CHD9: variants seen among roughly 807,000 people sequenced by gnomAD.
The protein encoded by CHD9 is chromodomain helicase DNA binding protein 9.
In CHD9, 77 loss-of-function variants were observed where a neutral mutation model predicts 316.1. The observed-to-expected ratio is 0.24, with a 90% CI of 0.20 to 0.29. The LOEUF is 0.29. Among genes scored for constraint, CHD9 ranks in the 10% least tolerant of loss-of-function variants. CHD9 has a pLI of 1.00. For missense variants in CHD9, 2,763 were observed against 3,438.1 expected (o/e 0.80, Z 4.91); for synonymous variants, 1,129 against 1,158.3 (o/e 0.97, Z 0.51).
chr16:53,119,386 A>C (rs112014999), intron 1 of CHD9, among the ~76,000 whole-genome samples: 3,289 of 152,308 alleles, frequency 0.022, 141 homozygotes, highest in African/African-American at 0.075. Flanking sequence ...AAAAAAAACA[A>C]AACAAGATTG....
chr16:53,095,788 G>A (rs1401829803), intron 1 of CHD9, among the ~76,000 whole-genome samples: 2 of 152,034 alleles, frequency 1.3e-5, no homozygotes, highest in East Asian at 1.9e-4. Flanking sequence ...CTTTGAACAC[G>A]CTAAGCTGAT....
chr16:53,298,773 CAG>C (rs1292188972), intron 30 of CHD9: 2 of 154,120 alleles, frequency 1.3e-5, no homozygotes, highest in African/African-American at 2.4e-5. Context: ...ATTGTCGACA[CAG>C]AATTAAAAGT....
chr16:53,117,348 A>C (rs1256893531), intron 1 of CHD9, among the ~76,000 whole-genome samples: 1 of 152,104 alleles, frequency 6.6e-6, no homozygotes, highest in Non-Finnish European at 1.5e-5. Flanking sequence ...CTAATCCCTT[A>C]GTCTTAGAAT....
chr16:53,129,264 G>T (rs1021493046), intron 1 of CHD9, among the ~76,000 whole-genome samples: 3 of 152,244 alleles, frequency 2.0e-5, no homozygotes, highest in Non-Finnish European at 2.9e-5. Flanking sequence ...TGTGATGTCA[G>T]ATAGATGAGA....
chr16:53,126,631 C>CCCTT (rs938737053), intron 1 of CHD9, among the ~76,000 whole-genome samples: 1 of 133,340 alleles, frequency 7.5e-6, no homozygotes, highest in East Asian at 2.2e-4. Context: ...TCTCTTTTCT[C>CCCTT]CCTTCCTTCC....
intron 1 of CHD9, among the ~76,000 whole-genome samples, chr16:53,143,640 G>T (rs2040327757): frequency 6.6e-6 from 1 of 151,978 alleles, no homozygotes; most frequent in Admixed American, 6.6e-5. Flanking sequence ...GCCCACCTTG[G>T]CCTCCCAAAG....
In CHD9 at chr16:53,112,569, G is replaced by T. The variant is rs147241925; in HGVS notation, c.-164-43357G>T. Among the ~76,000 whole-genome samples, 974 of 152,296 alleles carry T rather than the reference G, an allele frequency of 6.4e-3. 6 individuals are homozygous for T. Among genetic ancestry groups the T allele is most frequent in the African/African-American group, 0.023 (941 of 41,540 alleles). On this transcript the variant is annotated intron_variant, in intron 1 of 38. Coordinates refer to ENST00000447540, the MANE Select transcript of CHD9 (RefSeq NM_001308319.2). ...GGCCATTCTTTTTGTTTAGCACTTTGCAGGGCACATGGTATATCCTAAGTC... is the reference window on the plus strand; with the variant it reads ...GGCCATTCTTTTTGTTTAGCACTTTTCAGGGCACATGGTATATCCTAAGTC...
At chr16:53,303,523 T>A (rs1291966379) in intron 30 of CHD9, among the ~76,000 whole-genome samples, 197 bp from the exon 31 acceptor site, 1 of 152,198 alleles carries the variant, frequency 6.6e-6, no homozygotes. Context: ...AAGCTTTTAC[T>A]GAAATTTCAA....
chr16:53,267,085 A>G lies in CHD9; in HGVS notation c.4321-209A>G, dbSNP rs757655631. Among the ~76,000 whole-genome samples, 114 of 152,196 alleles carry G rather than the reference A, an allele frequency of 7.5e-4. 1 individual carries two copies. Among genetic ancestry groups the G allele is most frequent in the Non-Finnish European group, 1.5e-3 (105 of 68,008 alleles). On this transcript the variant is annotated intron_variant, in intron 20 of 38. Coordinates refer to ENST00000447540, the MANE Select transcript of CHD9 (RefSeq NM_001308319.2). ...ATCAAGTTCTTTTTATCCTATGACT[A>G]TAATGTCATAAAATTTTACATGTGT...
intron 38 of CHD9, 46 bp from the exon 39 acceptor site, chr16:53,323,974 T>TTTTA (rs774638634): frequency 2.2e-5 from 32 of 1,467,562 alleles, no homozygotes; most frequent in Non-Finnish European, 3.0e-5. Context: ...TAACTCTTTA[T>TTTTA]TTTATTTTCA....
chr16:53,258,624 C>T (rs934099167), intron 19 of CHD9, among the ~76,000 whole-genome samples: 1 of 152,108 alleles, frequency 6.6e-6, no homozygotes, highest in Non-Finnish European at 1.5e-5. Context: ...AAAATAATTC[C>T]ATTCTTTGTT....
chr16:53,077,891 G>A (rs981468170), intron 1 of CHD9, among the ~76,000 whole-genome samples: 3 of 152,060 alleles, frequency 2.0e-5, no homozygotes, highest in Non-Finnish European at 2.9e-5. Flanking sequence ...TAGCCAACAT[G>A]GCAAAAATCC....
rs1159706127 is a variant in CHD9, at chr16:53,197,141, C to T, written c.1453-12341C>T. Among the ~76,000 whole-genome samples, 5 of 152,052 alleles carry T rather than the reference C, an allele frequency of 3.3e-5. No homozygotes were observed. In the East Asian group the frequency reaches 9.6e-4, roughly 29 times the overall value. Reference sequence around the variant, plus strand: ...GAAAAGGCTGAGATATACTGGCAGACTAGTAGAAAGGTTATGGAATTTGGC... The same window carrying T: ...GAAAAGGCTGAGATATACTGGCAGATTAGTAGAAAGGTTATGGAATTTGGC... On this transcript the variant is annotated intron_variant, in intron 2 of 38. Transcript: ENST00000447540.
intron 18 of CHD9, 46 bp from the exon 19 acceptor site, chr16:53,255,554 T>A: frequency 6.4e-7 from 1 of 1,557,726 alleles, no homozygotes; most frequent in Non-Finnish European, 8.8e-7. Context: ...TCTCACTTTA[T>A]GAACTTTAAA....
At chr16:53,117,370 A>G (rs1316587149) in intron 1 of CHD9, among the ~76,000 whole-genome samples, 1 of 151,938 alleles carries the variant, frequency 6.6e-6, no homozygotes, top group Non-Finnish European at 1.5e-5. Flanking sequence ...CAGACTATTC[A>G]TGTGGCGATA....
intron 1 of CHD9, among the ~76,000 whole-genome samples, chr16:53,098,093 C>G (rs942451571): frequency 6.6e-6 from 1 of 151,952 alleles, no homozygotes; most frequent in Non-Finnish European, 1.5e-5. Flanking sequence ...GCACTCCAGC[C>G]TGGGGGACAA....
chr16:53,086,042 A>G (rs1341258389), intron 1 of CHD9, among the ~76,000 whole-genome samples: 3 of 152,188 alleles, frequency 2.0e-5, no homozygotes, highest in African/African-American at 7.2e-5. Context: ...AGCAGAGAGC[A>G]TTTGAGTTTG....
At chr16:53,103,265 T>G (rs1267716842) in intron 1 of CHD9, among the ~76,000 whole-genome samples, 1 of 151,124 alleles carries the variant, frequency 6.6e-6, no homozygotes, top group Admixed American at 6.6e-5. Flanking sequence ...ACTCCTGAGC[T>G]CAAGTGATCC....
Position 53,156,225 on chromosome 16 carries a change from G to C in CHD9, c.136G>C (p.Glu46Gln), listed in dbSNP as rs1444210008. 7 of 1,613,842 alleles carry C rather than the reference G, an allele frequency of 4.3e-6. No individual in the cohort carries two copies. Among genetic ancestry groups the C allele is most frequent in the Non-Finnish European group, 5.9e-6 (7 of 1,179,902 alleles). Residue 46 changes from glutamate to glutamine, a missense_variant, in exon 2 of 39, where the codon GAA (glutamate) becomes CAA (glutamine). This residue lies in a region of CHD9 where 859 missense variants were observed against 890.4 expected (regional missense o/e 0.96). Transcript: ENST00000447540. ...VDELNLGAEF[E>Q]PLHIDSLNHV... ...TGAATTGAATTTGGGTGCAGAATTT[G>C]AACCGTTGCACATAGATTCACTGAA...
Sources: allele counts gnomAD v4.1 joint callset (sites outside exome capture counted in the v4.1 genomes callset), GRCh38; gene constraint gnomAD v4.1.1; regional missense constraint gnomAD v4.1.1; transcripts MANE v1.5; gene names NCBI Gene and HGNC (gene_info 2026-07-23, HGNC 2026-07-21).